Variants in ACBD7 observed in about 807,000 individuals in gnomAD.
ACBD7 encodes acyl-CoA binding domain containing 7.
Under a neutral mutation model 13.7 loss-of-function variants are expected in ACBD7, and 11 were observed. The observed-to-expected ratio is 0.80, with a 90% CI of 0.50 to 1.33. The LOEUF (loss-of-function observed/expected upper bound fraction) is 1.33. Ranked by LOEUF, ACBD7 falls within the 40% of genes most tolerant of loss-of-function variation. The probability of loss-of-function intolerance (pLI) is 0.00; values close to 1 mark genes in which losing one functional copy is unlikely to be tolerated. For missense variants in ACBD7, 111 were observed against 103.0 expected (o/e 1.08, Z -0.33); for synonymous variants, 43 against 37.7 (o/e 1.14, Z -0.51).
intron 1 of ACBD7, 137 bp downstream of exon 1, chr10:15,088,580 G>C (rs529218544): frequency 5.1e-4 from 627 of 1,232,718 alleles, no homozygotes; most frequent in Non-Finnish European, 6.4e-4. Context: ...TGCCATCTGG[G>C]GCGCTGGGGA....
chr10:15,079,037 C>T lies in ACBD7; in HGVS notation c.16G>A (p.Asp6Asn). 1.2e-6 allele frequency: 2 copies of T among 1,604,536 alleles called. No homozygotes were observed. The highest frequency in any genetic ancestry group is 1.7e-6 in the Non-Finnish European group (2 of 1,175,056). Reference sequence around the variant, plus strand: ...ACATCTTCTGCAGCCCTGTCAAAATCAGCCTAAAGGAAGAACAAACAAACA... The same window carrying T: ...ACATCTTCTGCAGCCCTGTCAAAATTAGCCTAAAGGAAGAACAAACAAACA... MALQA[D>N]FDRAAEDVRK... Residue 6 changes from aspartate to asparagine, a missense_variant, in exon 2 of 4, where the codon GAT becomes AAT. By Grantham distance (23) the Asp-to-Asn change is conservative. Coordinates refer to ENST00000356189, the MANE Select transcript of ACBD7 (RefSeq NM_001039844.3).
rs542774323 is a variant in ACBD7 at position 15,088,563 on chromosome 10, T to C, written c.12+154A>G. The C allele has an allele frequency of 1.9e-4, 202 of 1,073,204 alleles. No individual in the cohort carries two copies. The African/African-American group carries it at 3.3e-3, about 17-fold the overall frequency. The allele number at this position is 1,073,204 out of a possible 1,614,324, so 66.5% of individuals were successfully genotyped here. On this transcript the variant is annotated intron_variant, in intron 1 of 3. Coordinates refer to ENST00000356189, the MANE Select transcript of ACBD7 (RefSeq NM_001039844.3). ...TCGCCGTCAGCAGGCACAGGTGCGG[T>C]CTACACTGCCATCTGGGGCGCTGGG...
At position 15,075,976 on chromosome 10, in the gene ACBD7, C is replaced by CA. The variant is rs10541297; in HGVS notation, c.*2553dup. 8,831 of 312,578 alleles carry CA rather than the reference C, an allele frequency of 0.028. 4 individuals carry two copies. The highest frequency in any genetic ancestry group is 0.034 in the Non-Finnish European group (8,114 of 239,780). 19.4% of individuals were successfully genotyped at this position (312,578 alleles called of 1,614,324 possible). On this transcript the variant is annotated 3_prime_UTR_variant, in exon 4 of 4. Transcript: ENST00000356189. ...GTAACAGAGTGACAGCCTGTCTCAA[C>CA]AAAAAAAAAAAAAAAAAAAAAGAAA...
Position 15,075,804 on chromosome 10 carries a change from T to C in ACBD7, c.*2726A>G, listed in dbSNP as rs1027074026. On this transcript the variant is annotated 3_prime_UTR_variant, in exon 4 of 4. Transcript: ENST00000356189. ...GCCTGGGCAACATGGTGAAACCCTG[T>C]CTCTATGAAAAATACAAAAATTAGC... 6.6e-6 allele frequency among the ~76,000 whole-genome samples: 1 copy of C among 151,760 alleles called. No individual in the cohort carries two copies. The highest frequency in any genetic ancestry group is 1.5e-5 in the Non-Finnish European group (1 of 67,952).
At chr10:15,086,377 G>A in intron 1 of ACBD7, among the ~76,000 whole-genome samples, 1 of 151,980 alleles carries the variant, frequency 6.6e-6, no homozygotes, top group South Asian at 2.1e-4. Flanking sequence ...TAATATCATG[G>A]GTCGATGTTA....
chr10:15,077,333 GA>G lies in ACBD7; in HGVS notation c.*1196del, dbSNP rs1564538838. 6.6e-6 allele frequency among the ~76,000 whole-genome samples: 1 copy of G among 150,838 alleles called. No homozygotes were observed. Among genetic ancestry groups the G allele is most frequent in the African/African-American group, 2.4e-5 (1 of 41,008 alleles). On this transcript the variant is annotated 3_prime_UTR_variant, in exon 4 of 4. Transcript: ENST00000356189. ...CTATTATCTTAAGTGAAACAACTCA[GA>G]AAAAAATAAGAAAATAAAGATTTTT...
intron 1 of ACBD7, 135 bp downstream of exon 1, chr10:15,088,582 C>A: frequency 8.1e-7 from 1 of 1,237,598 alleles, no homozygotes. Flanking sequence ...CCATCTGGGG[C>A]GCTGGGGAAG....
At chr10:15,088,582 C>G (rs1844836195) in intron 1 of ACBD7, 135 bp downstream of exon 1, 1 of 1,237,598 alleles carries the variant, frequency 8.1e-7, no homozygotes, top group South Asian at 1.5e-5. Flanking sequence ...CCATCTGGGG[C>G]GCTGGGGAAG....
intron 1 of ACBD7, among the ~76,000 whole-genome samples, chr10:15,084,101 T>C (rs955504903): frequency 2.0e-5 from 3 of 152,182 alleles, no homozygotes; most frequent in Admixed American, 6.5e-5. Flanking sequence ...GGGTCTGCGA[T>C]TGTTGGCTGC....
intron 1 of ACBD7, chr10:15,088,515 A>G: frequency 1.4e-6 from 1 of 694,936 alleles, no homozygotes. Context: ...GGGGTCCGGA[A>G]GGGTTGCCCT....
At chr10:15,079,623 G>C (rs1263401169) in intron 1 of ACBD7, among the ~76,000 whole-genome samples, 1 of 151,376 alleles carries the variant, frequency 6.6e-6, no homozygotes, top group Non-Finnish European at 1.5e-5. Flanking sequence ...CTGTTGCCCA[G>C]GCTGAAGTGC....
intron 1 of ACBD7, among the ~76,000 whole-genome samples, chr10:15,079,784 G>A (rs1228099190): frequency 1.3e-5 from 2 of 151,782 alleles, no homozygotes; most frequent in African/African-American, 4.8e-5. Context: ...TAACCATCTT[G>A]GCCAGGCTGG....
In ACBD7 at chr10:15,083,187, G is replaced by A. The variant is rs116129165; in HGVS notation, c.13-4147C>T. ...AGGTAGGGAACTCAGTTCTAGAGCAGGGGCCAGCATCATTCTCTCTGTCTA... is the reference window on the plus strand; with the variant it reads ...AGGTAGGGAACTCAGTTCTAGAGCAAGGGCCAGCATCATTCTCTCTGTCTA... On this transcript the variant is annotated intron_variant, in intron 1 of 3. Transcript: ENST00000356189. Among the ~76,000 whole-genome samples, 1,409 of 152,336 alleles carry A rather than the reference G, an allele frequency of 9.2e-3. 31 individuals carry two copies. The highest frequency in any genetic ancestry group is 0.032 in the African/African-American group (1,321 of 41,582).
In ACBD7 at chr10:15,076,347, T is replaced by A; in HGVS notation, c.*2183A>T. ...GACTCTATTTTTACTCAGATAGAACTGAACATATGGGGTACAGTAGTGGTA... is the reference window on the plus strand; with the variant it reads ...GACTCTATTTTTACTCAGATAGAACAGAACATATGGGGTACAGTAGTGGTA... On this transcript the variant is annotated 3_prime_UTR_variant, in exon 4 of 4. Coordinates refer to ENST00000356189, the MANE Select transcript of ACBD7 (RefSeq NM_001039844.3). The A allele has an allele frequency of 2.0e-6, 2 of 985,336 alleles. No individual in the cohort carries two copies. Among genetic ancestry groups the A allele is most frequent in the Non-Finnish European group, 1.2e-6 (1 of 829,888 alleles). The allele number at this position is 985,336 out of a possible 1,614,324, so 61.0% of individuals were successfully genotyped here.
intron 1 of ACBD7, among the ~76,000 whole-genome samples, chr10:15,086,708 T>C (rs1293810128): frequency 1.3e-5 from 2 of 151,530 alleles, no homozygotes; most frequent in Non-Finnish European, 2.9e-5. Flanking sequence ...AAACCAAATG[T>C]CTACAAAAGA....
At chr10:15,087,589 C>T (rs1844824255) in intron 1 of ACBD7, among the ~76,000 whole-genome samples, 1 of 152,046 alleles carries the variant, frequency 6.6e-6, no homozygotes, top group Admixed American at 6.6e-5. Flanking sequence ...CCAGTCTGGC[C>T]AACACAGCGA....
At chr10:15,081,052 G>A (rs1273189965) in intron 1 of ACBD7, among the ~76,000 whole-genome samples, 4 of 152,174 alleles carry the variant, frequency 2.6e-5, no homozygotes, top group South Asian at 2.1e-4. Flanking sequence ...CGGGCTCAGC[G>A]GAGTGGCAGG....
rs756456192 is a variant in ACBD7 at position 15,078,518 on chromosome 10, A to G, written c.*12T>C. On this transcript the variant is annotated 3_prime_UTR_variant, in exon 4 of 4. Coordinates refer to ENST00000356189, the MANE Select transcript of ACBD7 (RefSeq NM_001039844.3). ...AAGTCTTCAAAAGGAAAAATTCCTC[A>G]TATGCTGTATTCTAAATTCCGTATT... is the stretch of plus-strand genomic sequence containing the variant. The G allele has an allele frequency of 2.5e-6, 4 of 1,613,996 alleles. No individual in the cohort carries two copies. The highest frequency in any genetic ancestry group is 3.4e-6 in the Non-Finnish European group (4 of 1,180,022).
At chr10:15,086,961 C>G (rs1284660983) in intron 1 of ACBD7, among the ~76,000 whole-genome samples, 1 of 144,656 alleles carries the variant, frequency 6.9e-6, no homozygotes, top group East Asian at 2.0e-4. Context: ...TGCGGTGAGC[C>G]AAGATTGCGC....
Sources: gnomAD v4.1 joint callset for allele counts (sites outside exome capture counted in the v4.1 genomes callset) on GRCh38, gnomAD v4.1.1 for gene constraint, MANE v1.5 for transcripts, NCBI Gene and HGNC (gene_info 2026-07-23, HGNC 2026-07-21) for gene names.